Variants in NRXN3 observed in about 807,000 individuals in gnomAD.
NRXN3 encodes the protein neurexin 3, also known as neurexin III.
In NRXN3, 32 loss-of-function variants were observed where a neutral mutation model predicts 137.6. That is an observed-to-expected ratio of 0.23 (90% CI 0.18 to 0.31). NRXN3 has a LOEUF of 0.31. Among genes scored for constraint, NRXN3 ranks in the 10% least tolerant of loss-of-function variants. NRXN3 has a pLI of 1.00. For synonymous variants in NRXN3, 798 were observed against 784.5 expected, an observed-to-expected ratio of 1.02 and a Z score of -0.29; for missense variants, 1,574 against 2,062.5, an observed-to-expected ratio of 0.76 and a Z score of 4.59.
intron 15 of NRXN3, among the ~76,000 whole-genome samples, chr14:79,444,361 C>A: frequency 6.6e-6 from 1 of 152,148 alleles, no homozygotes; most frequent in East Asian, 1.9e-4. Flanking sequence ...TGGAAAAAAG[C>A]TTTTCTTACA....
intron 16 of NRXN3, among the ~76,000 whole-genome samples, chr14:79,546,044 C>T (rs934259406): frequency 6.6e-6 from 1 of 152,244 alleles, no homozygotes; most frequent in East Asian, 1.9e-4. Flanking sequence ...CACAAGCTCT[C>T]TTTGCCTGCT....
intron 15 of NRXN3, among the ~76,000 whole-genome samples, chr14:79,072,732 T>A (rs2099689561): frequency 6.6e-6 from 1 of 152,132 alleles, no homozygotes; most frequent in Non-Finnish European, 1.5e-5. Context: ...AACTGTAAAA[T>A]GCTTGCTGTT....
intron 10 of NRXN3, among the ~76,000 whole-genome samples, chr14:78,943,621 A>ATAT (rs1273522171): frequency 1.1e-4 from 3 of 27,868 alleles, no homozygotes; most frequent in South Asian, 1.7e-3. Context: ...AAAAAAAAAA[A>ATAT]ATATATATAT....
chr14:78,232,650 C>G (rs993437829), intron 1 of NRXN3, among the ~76,000 whole-genome samples: 3 of 152,294 alleles, frequency 2.0e-5, no homozygotes, highest in Admixed American at 6.5e-5. Context: ...CATTTTTTCT[C>G]TCTCCCCCAG....
intron 15 of NRXN3, among the ~76,000 whole-genome samples, chr14:79,425,404 A>C (rs1383462538): frequency 1.3e-5 from 2 of 152,180 alleles, no homozygotes; most frequent in Non-Finnish European, 2.9e-5. Flanking sequence ...GGATTCTTAG[A>C]AAACCTTCAG....
At chr14:79,455,798 T>G (rs1421162931) in intron 15 of NRXN3, among the ~76,000 whole-genome samples, 6 of 151,914 alleles carry the variant, frequency 3.9e-5, no homozygotes, top group African/African-American at 1.4e-4. Flanking sequence ...TTTGACATTT[T>G]AAAGAGCAAA....
chr14:78,720,865 T>A (rs1027067169), intron 8 of NRXN3, among the ~76,000 whole-genome samples: 11 of 152,228 alleles, frequency 7.2e-5, no homozygotes, highest in African/African-American at 2.4e-4. Context: ...AATGAAGCTA[T>A]GATGCTTCTT....
chr14:78,937,132 G>A, intron 10 of NRXN3, among the ~76,000 whole-genome samples: 1 of 144,164 alleles, frequency 6.9e-6, no homozygotes, highest in Admixed American at 7.3e-5. Context: ...TGAGGCAGGA[G>A]AATCACTTGA....
intron 4 of NRXN3, among the ~76,000 whole-genome samples, chr14:78,633,307 T>C (rs1026232251): frequency 7.5e-4 from 110 of 145,964 alleles, no homozygotes; most frequent in African/African-American, 2.8e-3. Flanking sequence ...ATGACAAAAA[T>C]GAAATAAATA....
chr14:79,013,670 C>T (rs1334517304), intron 15 of NRXN3, among the ~76,000 whole-genome samples: 4 of 152,096 alleles, frequency 2.6e-5, no homozygotes, highest in African/African-American at 7.2e-5. Context: ...CAGAATTTGC[C>T]TATTTTTTGA....
intron 15 of NRXN3, among the ~76,000 whole-genome samples, chr14:79,195,624 A>C (rs567645240): frequency 6.6e-6 from 1 of 152,346 alleles, no homozygotes; most frequent in East Asian, 1.9e-4. Flanking sequence ...TGAAGAGATT[A>C]GGGGAAATAC....
At chr14:78,391,998 G>GA (rs370599217) in intron 4 of NRXN3, among the ~76,000 whole-genome samples, 7 of 149,592 alleles carry the variant, frequency 4.7e-5, no homozygotes, top group African/African-American at 7.4e-5. Context: ...TGTGCTAAAG[G>GA]AAAAAAAAAT....
intron 6 of NRXN3, among the ~76,000 whole-genome samples, chr14:78,663,449 C>T (rs2097856519): frequency 6.6e-6 from 1 of 152,152 alleles, no homozygotes; most frequent in Non-Finnish European, 1.5e-5. Context: ...ATTGCTCAAC[C>T]TGCTAACGGA....
chr14:78,895,365 A>G (rs1343636935), intron 10 of NRXN3, among the ~76,000 whole-genome samples: 1 of 151,760 alleles, frequency 6.6e-6, no homozygotes, highest in Admixed American at 6.6e-5. Flanking sequence ...CTCATGAACC[A>G]ATATCTTCTA....
At chr14:78,487,570 C>T (rs2095583595) in intron 4 of NRXN3, among the ~76,000 whole-genome samples, 1 of 151,906 alleles carries the variant, frequency 6.6e-6, no homozygotes, top group East Asian at 1.9e-4. Flanking sequence ...TGGTGAAACC[C>T]CGTCTCTACT....
chr14:78,869,164 G>A (rs1041499035), intron 10 of NRXN3, among the ~76,000 whole-genome samples: 3 of 152,140 alleles, frequency 2.0e-5, no homozygotes, highest in Admixed American at 1.3e-4. Context: ...GCAAAGCCAT[G>A]AAGTTTGGAA....
At chr14:79,209,895 A>G (rs1431736371) in intron 15 of NRXN3, among the ~76,000 whole-genome samples, 1 of 152,218 alleles carries the variant, frequency 6.6e-6, no homozygotes, top group Non-Finnish European at 1.5e-5. Flanking sequence ...AAATATGCAT[A>G]TGGGGCAAAG....
chr14:78,375,967 T>A (rs1366186464), intron 4 of NRXN3, among the ~76,000 whole-genome samples: 9 of 151,784 alleles, frequency 5.9e-5, no homozygotes, highest in Admixed American at 1.3e-4. Context: ...ATTCTTTTTT[T>A]AAAAATTTTT....
chr14:79,039,105 C>T (rs1429396880), intron 15 of NRXN3, among the ~76,000 whole-genome samples: 1 of 152,136 alleles, frequency 6.6e-6, no homozygotes, highest in Non-Finnish European at 1.5e-5. Context: ...CGAAAGAACT[C>T]TTCATTCTTA....
Sources: gnomAD v4.1 joint callset for allele counts (sites outside exome capture counted in the v4.1 genomes callset) on GRCh38, gnomAD v4.1.1 for gene constraint, MANE v1.5 for transcripts, NCBI Gene and HGNC (gene_info 2026-07-23, HGNC 2026-07-21) for gene names.